UBE2E3: variants seen among roughly 807,000 people sequenced by gnomAD.
UBE2E3 encodes ubiquitin-conjugating enzyme E2 E3.
UBE2E3 carries 5 observed loss-of-function variants against 23.6 expected under a neutral mutation model. The observed-to-expected ratio is 0.21, with a 90% CI of 0.11 to 0.44. UBE2E3 has a LOEUF of 0.44. UBE2E3 is among the 20% of genes least tolerant of loss of function. The probability of loss-of-function intolerance (pLI) is 0.99; values close to 1 mark genes in which losing one functional copy is unlikely to be tolerated. For synonymous variants in UBE2E3, 78 were observed against 87.5 expected (o/e 0.89, Z 0.60); for missense variants, 81 against 249.8 (o/e 0.32, Z 4.55).
chr2:181,059,065 T>C (rs962467093), intron 4 of UBE2E3, among the ~76,000 whole-genome samples: 3 of 151,808 alleles, frequency 2.0e-5, no homozygotes, highest in Non-Finnish European at 4.4e-5. Context: ...GTAATTTTGA[T>C]GAATATAATG....
intron 3 of UBE2E3, among the ~76,000 whole-genome samples, chr2:181,047,940 C>G (rs1261905577): frequency 1.3e-4 from 19 of 145,372 alleles, no homozygotes; most frequent in Non-Finnish European, 2.6e-4. Flanking sequence ...GTTACAGCTT[C>G]CCTCATTAGG....
intron 3 of UBE2E3, among the ~76,000 whole-genome samples, chr2:181,039,366 A>G (rs1686405169): frequency 6.6e-6 from 1 of 152,142 alleles, no homozygotes; most frequent in Non-Finnish European, 1.5e-5. Flanking sequence ...AATGTAATGA[A>G]TATACTTTTA....
At chr2:181,047,166 C>T (rs1304546575) in intron 3 of UBE2E3, among the ~76,000 whole-genome samples, 1 of 152,114 alleles carries the variant, frequency 6.6e-6, no homozygotes, top group Non-Finnish European at 1.5e-5. Flanking sequence ...CAGCTTCTTT[C>T]CATATCTCTT....
chr2:181,009,599 T>C lies in UBE2E3; in HGVS notation c.245+25506T>C, dbSNP rs563545742. On this transcript the variant is annotated intron_variant, in intron 3 of 5. Coordinates refer to ENST00000410062, the MANE Select transcript of UBE2E3 (RefSeq NM_006357.4). ...TCTATATAGTTCTTTTTTGTTCAGA[T>C]AACCAAATATATTTCAGTATACACC... 4.8e-5 allele frequency among the ~76,000 whole-genome samples: 7 copies of C among 145,012 alleles called. No homozygotes were observed. In the East Asian group the frequency reaches 1.4e-3, roughly 28 times the overall value.
At chr2:181,006,472 C>G (rs1276274421) in intron 3 of UBE2E3, among the ~76,000 whole-genome samples, 1 of 151,194 alleles carries the variant, frequency 6.6e-6, no homozygotes, top group African/African-American at 2.4e-5. Context: ...ATACAAGATA[C>G]CTAATTAAAA....
chr2:180,996,274 C>CAT (rs1305951888), intron 3 of UBE2E3, among the ~76,000 whole-genome samples: 1 of 152,144 alleles, frequency 6.6e-6, no homozygotes, highest in African/African-American at 2.4e-5. Flanking sequence ...TTGTTTCAAA[C>CAT]ATGACATTCT....
At chr2:181,003,789 T>C (rs62180124) in intron 3 of UBE2E3, among the ~76,000 whole-genome samples, 33,045 of 152,200 alleles carry the variant, frequency 0.22, 4,176 homozygotes, top group Non-Finnish European at 0.28. Flanking sequence ...CAGCTATACA[T>C]GCCCATTTGA....
chr2:181,026,980 A>G (rs889109041), intron 3 of UBE2E3, among the ~76,000 whole-genome samples: 1 of 151,986 alleles, frequency 6.6e-6, no homozygotes, highest in African/African-American at 2.4e-5. Context: ...CTAATCAGCT[A>G]GAAATATCTC....
chr2:180,980,455 C>T (rs538096927), upstream of UBE2E3: 1 of 150,842 alleles, frequency 6.6e-6, no homozygotes, highest in South Asian at 2.1e-4. This position sits in a 1 kb window ranked among gnomAD's most constrained non-coding sequence, Gnocchi z 5.5. Flanking sequence ...GCGTGCACCC[C>T]CAGGGTGAGG....
chr2:181,045,509 C>T (rs1313771204), intron 3 of UBE2E3, among the ~76,000 whole-genome samples: 3 of 152,150 alleles, frequency 2.0e-5, no homozygotes, highest in Non-Finnish European at 2.9e-5. Context: ...ATTCTTTCTG[C>T]ATATCTGCTC....
At chr2:181,018,826 T>G (rs2105620902) in intron 3 of UBE2E3, among the ~76,000 whole-genome samples, 1 of 152,232 alleles carries the variant, frequency 6.6e-6, no homozygotes, top group East Asian at 1.9e-4. Context: ...CTCATGCCTT[T>G]TATATAGGGG....
intron 3 of UBE2E3, among the ~76,000 whole-genome samples, chr2:181,009,380 G>A (rs1431805566): frequency 2.0e-5 from 3 of 151,962 alleles, no homozygotes; most frequent in Non-Finnish European, 4.4e-5. Context: ...AAAAAATGCA[G>A]TTTTTACCCA....
intron 3 of UBE2E3, among the ~76,000 whole-genome samples, chr2:181,049,102 G>C (rs1686753588): frequency 6.6e-6 from 1 of 152,036 alleles, no homozygotes; most frequent in Non-Finnish European, 1.5e-5. Context: ...AAGCTTCAGA[G>C]GATAAAGATA....
chr2:180,993,585 A>G (rs1384437958), intron 3 of UBE2E3, among the ~76,000 whole-genome samples: 1 of 152,162 alleles, frequency 6.6e-6, no homozygotes, highest in African/African-American at 2.4e-5. Context: ...AATCATCATC[A>G]TGATCCCCCT....
intron 3 of UBE2E3, among the ~76,000 whole-genome samples, chr2:181,049,452 G>A (rs1165897839): frequency 1.3e-5 from 2 of 151,886 alleles, no homozygotes; most frequent in Admixed American, 6.6e-5. Context: ...TTGTAGAAAT[G>A]TTTTCATCTA....
chr2:181,052,310 T>G (rs559889463), intron 3 of UBE2E3, among the ~76,000 whole-genome samples: 15 of 151,974 alleles, frequency 9.9e-5, no homozygotes, highest in African/African-American at 3.4e-4. Context: ...TCTTGAAGTT[T>G]CTGTTTCTGG....
At chr2:180,986,344 AATATCCAG>A (rs1390260932) in intron 3 of UBE2E3, among the ~76,000 whole-genome samples, 1 of 152,160 alleles carries the variant, frequency 6.6e-6, no homozygotes, top group East Asian at 1.9e-4. Context: ...TCACATGTAA[AATATCCAG>A]ATACTTTGTC....
At chr2:180,998,284 A>G (rs1456833289) in intron 3 of UBE2E3, among the ~76,000 whole-genome samples, 1 of 152,186 alleles carries the variant, frequency 6.6e-6, no homozygotes, top group Non-Finnish European at 1.5e-5. Context: ...TTGGTGAATC[A>G]GGAGATTGTA....
chr2:181,040,679 G>T (rs1023160591), intron 3 of UBE2E3, among the ~76,000 whole-genome samples: 7 of 152,124 alleles, frequency 4.6e-5, no homozygotes, highest in Admixed American at 6.5e-5. Context: ...TGGATCATAG[G>T]TAAAAAATAC....
Sources: allele counts gnomAD v4.1 joint callset (sites outside exome capture counted in the v4.1 genomes callset), GRCh38; gene constraint gnomAD v4.1.1; non-coding constraint Gnocchi (gnomAD v3.1); transcripts MANE v1.5; gene names NCBI Gene and HGNC (gene_info 2026-07-23, HGNC 2026-07-21).